ERGIC1: variants seen among roughly 807,000 people sequenced by gnomAD.
ERGIC1 encodes endoplasmic reticulum-golgi intermediate compartment 1.
In ERGIC1, 19 loss-of-function variants were observed where a neutral mutation model predicts 38.3. The ratio of observed to expected loss-of-function variants is 0.50; its 90% CI spans 0.35 to 0.73. The LOEUF is 0.73. Among genes scored for constraint, ERGIC1 ranks in the 30% least tolerant of loss-of-function variants. The probability of loss-of-function intolerance (pLI) is 0.01; values close to 1 mark genes in which losing one functional copy is unlikely to be tolerated. For missense variants in ERGIC1, 294 were observed against 389.2 expected (o/e 0.76, Z 2.06); for synonymous variants, 124 against 157.6 (o/e 0.79, Z 1.60).
intron 9 of ERGIC1, among the ~76,000 whole-genome samples, chr5:172,946,290 T>G (rs1764119903): frequency 6.6e-6 from 1 of 152,182 alleles, no homozygotes; most frequent in Non-Finnish European, 1.5e-5. Context: ...TGCTTTCTTT[T>G]CAGTTTCATT....
chr5:172,854,597 G>A (rs1761497495), intron 1 of ERGIC1, among the ~76,000 whole-genome samples: 1 of 152,252 alleles, frequency 6.6e-6, no homozygotes, highest in African/African-American at 2.4e-5. Context: ...TGGTCCCGGT[G>A]TGGGTGAGTG....
At chr5:172,910,181 G>A (rs1216190846) in intron 4 of ERGIC1, among the ~76,000 whole-genome samples, 1 of 152,192 alleles carries the variant, frequency 6.6e-6, no homozygotes, top group Non-Finnish European at 1.5e-5. Flanking sequence ...GCTGTGGGGT[G>A]TGAATGACAC....
rs138647933 is a variant in ERGIC1, at chr5:172,861,099, G to A, written c.20+26666G>A. The stretch of plus-strand genomic sequence containing the variant: ...GGCCTGTGGGATGTGTCCTCCATCC[G>A]CCTCGCTGACCTCGTCCCATGCCAC... On this transcript the variant is annotated intron_variant, in intron 1 of 9. Transcript: ENST00000393784. Among the ~76,000 whole-genome samples, 1,150 of 152,008 alleles carry A rather than the reference G, an allele frequency of 7.6e-3. 13 individuals carry two copies. Among genetic ancestry groups the A allele is most frequent in the African/African-American group, 0.027 (1,099 of 41,450 alleles).
intron 1 of ERGIC1, among the ~76,000 whole-genome samples, chr5:172,883,483 TTTTTG>T (rs1270331808): frequency 1.3e-5 from 2 of 152,114 alleles, no homozygotes; most frequent in Non-Finnish European, 2.9e-5. Flanking sequence ...TGCCAGCCAG[TTTTTG>T]TTTTGTTTTG....
chr5:172,946,308 G>A (rs944724516), intron 9 of ERGIC1, among the ~76,000 whole-genome samples: 18 of 152,178 alleles, frequency 1.2e-4, no homozygotes, highest in African/African-American at 4.3e-4. Context: ...ATTCATTAGT[G>A]TTCCTCCCAG....
intron 1 of ERGIC1, among the ~76,000 whole-genome samples, chr5:172,838,426 G>T (rs888239123): frequency 3.3e-5 from 5 of 152,078 alleles, no homozygotes; most frequent in African/African-American, 1.2e-4. Flanking sequence ...CCTTGGTTTG[G>T]CCTCTACCAT....
intron 1 of ERGIC1, among the ~76,000 whole-genome samples, chr5:172,888,167 C>T (rs1403965472): frequency 3.3e-5 from 5 of 152,132 alleles, no homozygotes; most frequent in African/African-American, 1.2e-4. Context: ...GAAGACCCAC[C>T]GATGAGTGGG....
chr5:172,892,062 G>GTTTTT (rs573472747), intron 2 of ERGIC1, among the ~76,000 whole-genome samples: 17 of 90,176 alleles, frequency 1.9e-4, no homozygotes, highest in South Asian at 3.9e-4. Flanking sequence ...TAAAGAGTAT[G>GTTTTT]TTTTTTTTTT....
At chr5:172,881,680 T>C (rs1581537532) in intron 1 of ERGIC1, among the ~76,000 whole-genome samples, 1 of 152,222 alleles carries the variant, frequency 6.6e-6, no homozygotes, top group African/African-American at 2.4e-5. Context: ...AACAGGACCA[T>C]AAATTAGATC....
Position 172,910,561 on chromosome 5 carries a change from G to C in ERGIC1, c.250+800G>C, listed in dbSNP as rs58564837. On this transcript the variant is annotated intron_variant, in intron 4 of 9. Coordinates refer to ENST00000393784, the MANE Select transcript of ERGIC1 (RefSeq NM_001031711.3). ...TTTTTTGAGACGGAGTTTCACTCCT[G>C]TCACCCAGGCCGGAGTGCAATGGCA... Among the ~76,000 whole-genome samples the C allele has an allele frequency of 4.3e-3, 609 of 140,148 alleles. 2 individuals carry two copies. The highest frequency in any genetic ancestry group is 8.8e-3 in the African/African-American group (311 of 35,402). The allele number at this position is 140,148 out of a possible 152,430, so 91.9% of individuals were successfully genotyped here.
chr5:172,936,125 C>T (rs1449655731), intron 9 of ERGIC1: 3 of 152,172 alleles, frequency 2.0e-5, no homozygotes, highest in South Asian at 4.1e-4. Flanking sequence ...TTTCATTTCC[C>T]GCAATAACTA....
intron 1 of ERGIC1, among the ~76,000 whole-genome samples, chr5:172,841,597 C>A (rs954610687): frequency 3.9e-5 from 6 of 152,194 alleles, no homozygotes; most frequent in Non-Finnish European, 8.8e-5. Flanking sequence ...GTCAGAGGAC[C>A]CGGATGTCCC....
intron 1 of ERGIC1, among the ~76,000 whole-genome samples, chr5:172,844,061 A>C (rs1332781253): frequency 6.6e-6 from 1 of 152,196 alleles, no homozygotes; most frequent in Non-Finnish European, 1.5e-5. Flanking sequence ...TGGTAAAACC[A>C]GGGCCTCCGG....
At chr5:172,945,308 A>G (rs1378462732) in intron 9 of ERGIC1, among the ~76,000 whole-genome samples, 1 of 152,162 alleles carries the variant, frequency 6.6e-6, no homozygotes, top group Non-Finnish European at 1.5e-5. Flanking sequence ...GTTCTGTTGA[A>G]TGGGTTGCTG....
At chr5:172,857,447 A>G (rs1446694165) in intron 1 of ERGIC1, among the ~76,000 whole-genome samples, 2 of 152,096 alleles carry the variant, frequency 1.3e-5, no homozygotes, top group Admixed American at 1.3e-4. Flanking sequence ...ACTTCTCTTG[A>G]GCCTGGGACT....
chr5:172,900,639 G>A (rs1762846976), intron 3 of ERGIC1, among the ~76,000 whole-genome samples: 1 of 151,560 alleles, frequency 6.6e-6, no homozygotes, highest in African/African-American at 2.4e-5. Flanking sequence ...GAGCTCAAGA[G>A]ATCCAGGCTG....
Position 172,888,757 on chromosome 5 carries a change from A to G in ERGIC1, c.79A>G (p.Ile27Val), listed in dbSNP as rs1762483104. ...TACGCAGCCAACGTACACCGGGGCC[A>G]TTAGTGAGTAGCCAACCTCTGGCCA... ...DLTQPTYTGAIISICCCLFIL... is the reference protein window; with the variant it reads ...DLTQPTYTGAVISICCCLFIL... Residue 27 changes from isoleucine to valine, a missense_variant, in exon 2 of 10, where the codon ATT becomes GTT. By Grantham distance (29) the Ile-to-Val change is conservative. This residue lies in a region of ERGIC1 where 163 missense variants were observed against 225.8 expected (regional missense o/e 0.72). Coordinates refer to ENST00000393784, the MANE Select transcript of ERGIC1 (RefSeq NM_001031711.3). 6.2e-7 allele frequency: 1 copy of G among 1,614,120 alleles called. No individual in the cohort carries two copies. The highest frequency in any genetic ancestry group is 8.5e-7 in the Non-Finnish European group (1 of 1,179,964).
Position 172,935,654 on chromosome 5 carries a change from T to C in ERGIC1, c.765+344T>C, listed in dbSNP as rs1415825743. On this transcript the variant is annotated intron_variant, in intron 9 of 9. Coordinates refer to ENST00000393784, the MANE Select transcript of ERGIC1 (RefSeq NM_001031711.3). ...AAATTATTCTTAGCAGAGTTTATCCTTTAATGTGTAAATTTTGCACCAAAG... is the reference window on the plus strand; with the variant it reads ...AAATTATTCTTAGCAGAGTTTATCCCTTAATGTGTAAATTTTGCACCAAAG... The C allele has an allele frequency of 1.4e-5, 3 of 207,736 alleles. No homozygotes were observed. The East Asian group carries it at 3.1e-4, about 22-fold the overall frequency. The allele number at this position is 207,736 out of a possible 1,614,324, so 12.9% of individuals were successfully genotyped here.
intron 9 of ERGIC1, among the ~76,000 whole-genome samples, chr5:172,940,510 G>T (rs1763986095): frequency 6.6e-6 from 1 of 152,174 alleles, no homozygotes. Context: ...TGACAGACTG[G>T]AGGGCTTCAG....
Sources: allele counts gnomAD v4.1 joint callset (sites outside exome capture counted in the v4.1 genomes callset), GRCh38; gene constraint gnomAD v4.1.1; regional missense constraint gnomAD v4.1.1; transcripts MANE v1.5; gene names NCBI Gene and HGNC (gene_info 2026-07-23, HGNC 2026-07-21).